DGKB: variants seen among roughly 807,000 people sequenced by gnomAD.
DGKB encodes diacylglycerol kinase beta.
Under a neutral mutation model 114.3 loss-of-function variants are expected in DGKB, and 67 were observed. The ratio of observed to expected loss-of-function variants is 0.59; its 90% CI spans 0.48 to 0.72. The LOEUF (loss-of-function observed/expected upper bound fraction) is 0.72. Ranked by LOEUF, DGKB falls within the 30% of genes least tolerant of loss-of-function variation. DGKB has a pLI of 0.00. For synonymous variants in DGKB, 398 were observed against 323.1 expected (o/e 1.23, Z -2.49); for missense variants, 907 against 975.2 (o/e 0.93, Z 0.93).
chr7:14,165,623 G>A (rs1784511520), intron 25 of DGKB, among the ~76,000 whole-genome samples: 1 of 152,078 alleles, frequency 6.6e-6, no homozygotes, highest in African/African-American at 2.4e-5. Context: ...TAGACTATGG[G>A]AAAAAAGTGA....
intron 25 of DGKB, 117 bp downstream of exon 25, chr7:14,176,722 G>T (rs1438864013): frequency 6.5e-7 from 1 of 1,527,378 alleles, no homozygotes; most frequent in Non-Finnish European, 8.8e-7. Context: ...ACAACAAAAA[G>T]ACTATTTGCT....
chr7:14,589,937 T>TC (rs1304912135), intron 17 of DGKB, among the ~76,000 whole-genome samples: 1 of 151,054 alleles, frequency 6.6e-6, no homozygotes, highest in South Asian at 2.1e-4. Flanking sequence ...ATTTTACGAT[T>TC]TTTTGTGGAA....
At chr7:14,595,629 T>C (rs928868271) in intron 17 of DGKB, among the ~76,000 whole-genome samples, 1 of 151,024 alleles carries the variant, frequency 6.6e-6, no homozygotes, top group Non-Finnish European at 1.5e-5. Context: ...TACTTATCTA[T>C]AATAAAAAAT....
intron 1 of DGKB, among the ~76,000 whole-genome samples, chr7:14,856,313 T>C (rs1215999282): frequency 6.6e-6 from 1 of 152,134 alleles, no homozygotes; most frequent in Non-Finnish European, 1.5e-5. Context: ...AATAAGATTC[T>C]CATTGAAATA....
At chr7:14,457,789 A>G (rs1832493040) in intron 21 of DGKB, among the ~76,000 whole-genome samples, 1 of 152,044 alleles carries the variant, frequency 6.6e-6, no homozygotes, top group Non-Finnish European at 1.5e-5. Flanking sequence ...AGCATTTACA[A>G]CAGACTCTCA....
chr7:14,458,165 C>A (rs115130966), intron 21 of DGKB, among the ~76,000 whole-genome samples: 2,162 of 152,268 alleles, frequency 0.014, 57 homozygotes, highest in African/African-American at 0.047. Context: ...AATTCGATTT[C>A]AGGTATTCTA....
At chr7:14,305,855 T>C (rs1804376363) in intron 23 of DGKB, among the ~76,000 whole-genome samples, 2 of 152,330 alleles carry the variant, frequency 1.3e-5, no homozygotes, top group South Asian at 4.1e-4. Flanking sequence ...ATGACTAAAC[T>C]ACCAGTCTAC....
At chr7:14,485,823 G>A (rs912177612) in intron 20 of DGKB, among the ~76,000 whole-genome samples, 10 of 151,224 alleles carry the variant, frequency 6.6e-5, no homozygotes, top group South Asian at 2.1e-4. Flanking sequence ...CCCAGGAGGC[G>A]GAGGTTGCAG....
chr7:14,546,335 T>C (rs992216529), intron 20 of DGKB, among the ~76,000 whole-genome samples: 1 of 152,178 alleles, frequency 6.6e-6, no homozygotes, highest in African/African-American at 2.4e-5. Context: ...CTCTTTACTA[T>C]GCAGAACATA....
chr7:14,566,541 T>C (rs889254879), intron 20 of DGKB, among the ~76,000 whole-genome samples: 5 of 152,194 alleles, frequency 3.3e-5, no homozygotes, highest in African/African-American at 1.2e-4. Flanking sequence ...TCACCTTTAG[T>C]AGAAGAATTT....
intron 20 of DGKB, among the ~76,000 whole-genome samples, chr7:14,537,231 A>G (rs907189132): frequency 1.3e-5 from 2 of 152,170 alleles, no homozygotes; most frequent in Non-Finnish European, 2.9e-5. Flanking sequence ...TTATTAAAAT[A>G]TTCATTCTAG....
At chr7:14,601,249 G>A (rs1422072338) in intron 17 of DGKB, among the ~76,000 whole-genome samples, 1 of 152,160 alleles carries the variant, frequency 6.6e-6, no homozygotes, top group Non-Finnish European at 1.5e-5. Context: ...GCAGAAACTT[G>A]AGGCAGCTCT....
intron 20 of DGKB, among the ~76,000 whole-genome samples, chr7:14,519,000 G>T (rs963846586): frequency 6.6e-6 from 1 of 151,748 alleles, no homozygotes; most frequent in African/African-American, 2.4e-5. Context: ...ACCCACTTTG[G>T]TCATAATTTG....
chr7:14,688,175 T>C (rs1822052277), intron 9 of DGKB, among the ~76,000 whole-genome samples: 1 of 150,596 alleles, frequency 6.6e-6, no homozygotes, highest in African/African-American at 2.5e-5. Context: ...ATCTGTCCCT[T>C]CTTTCTATCA....
At chr7:14,394,116 G>A (rs1237575245) in intron 21 of DGKB, among the ~76,000 whole-genome samples, 1 of 152,122 alleles carries the variant, frequency 6.6e-6, no homozygotes, top group Non-Finnish European at 1.5e-5. Context: ...AGGTCATTTA[G>A]CTCCTTTCCA....
intron 16 of DGKB, among the ~76,000 whole-genome samples, chr7:14,610,030 C>T (rs1040940707): frequency 6.6e-6 from 1 of 151,894 alleles, no homozygotes; most frequent in African/African-American, 2.4e-5. Context: ...GGTGTAAACT[C>T]GAAGGAAAAC....
intron 21 of DGKB, among the ~76,000 whole-genome samples, chr7:14,400,290 G>T (rs1276708748): frequency 6.6e-6 from 1 of 151,778 alleles, no homozygotes; most frequent in Non-Finnish European, 1.5e-5. Context: ...GACTCCTAGA[G>T]AAGTTAAGCA....
chr7:14,590,904 C>T (rs1032737466), intron 17 of DGKB, among the ~76,000 whole-genome samples: 1 of 152,018 alleles, frequency 6.6e-6, no homozygotes, highest in Non-Finnish European at 1.5e-5. Flanking sequence ...TTCCCCACCT[C>T]CTCCGCCTGC....
rs528875388 is a variant in DGKB, at chr7:14,226,053, A to AT, written c.2123-47903dup. On this transcript the variant is annotated intron_variant, in intron 23 of 25. Coordinates refer to ENST00000402815, the MANE Select transcript of DGKB (RefSeq NM_001350709.2). ...TCCATTTGAAATATCTGAAGGTCAA[A>AT]TTATTATTTAGCTATAGATATCCAA... 3.1e-3 allele frequency among the ~76,000 whole-genome samples: 466 copies of AT among 152,082 alleles called. 2 individuals are homozygous for AT. Among genetic ancestry groups the AT allele is most frequent in the Middle Eastern group, 0.01 (3 of 294 alleles).
Sources: allele counts gnomAD v4.1 joint callset (sites outside exome capture counted in the v4.1 genomes callset), GRCh38; gene constraint gnomAD v4.1.1; transcripts MANE v1.5; gene names NCBI Gene and HGNC (gene_info 2026-07-23, HGNC 2026-07-21).